IL6ST: variants seen among roughly 807,000 people sequenced by gnomAD.
The protein encoded by IL6ST is interleukin-6 receptor subunit beta.
In IL6ST, 24 loss-of-function variants were observed where a neutral mutation model predicts 91.3. The ratio of observed to expected loss-of-function variants is 0.26; its 90% CI spans 0.19 to 0.37. IL6ST has a LOEUF of 0.37. Among genes scored for constraint, IL6ST ranks in the 10% least tolerant of loss-of-function variants. IL6ST has a pLI of 1.00. For missense variants in IL6ST, 914 were observed against 1,078.5 expected, an observed-to-expected ratio of 0.85 and a Z score of 2.14; for synonymous variants, 351 against 373.6, an observed-to-expected ratio of 0.94 and a Z score of 0.70.
chr5:55,983,553 A>G (rs999738261), intron 1 of IL6ST, among the ~76,000 whole-genome samples: 2 of 152,260 alleles, frequency 1.3e-5, no homozygotes, highest in South Asian at 2.1e-4. Context: ...TTGAAATACA[A>G]CAAGTAACTT....
intron 5 of IL6ST, among the ~76,000 whole-genome samples, chr5:55,965,637 G>C (rs1375887248): frequency 6.6e-6 from 1 of 152,022 alleles, no homozygotes; most frequent in African/African-American, 2.4e-5. Flanking sequence ...GGAAATACAT[G>C]ATGACCCTGT....
rs369604611 is a variant in IL6ST at position 55,974,000 on chromosome 5, A to T, written c.64+2215T>A. ...ATATCCTATTTAGGTAATAAGAAAT[A>T]TACATTGGGTGAGGGAGAACTAGTT... On this transcript the variant is annotated intron_variant, in intron 3 of 16. Coordinates refer to ENST00000381298, the MANE Select transcript of IL6ST (RefSeq NM_002184.4). Among the ~76,000 whole-genome samples, 123 of 152,322 alleles carry T rather than the reference A, an allele frequency of 8.1e-4. 1 individual carries two copies. The highest frequency in any genetic ancestry group is 2.8e-3 in the African/African-American group (117 of 41,568).
intron 1 of IL6ST, among the ~76,000 whole-genome samples, chr5:55,989,459 G>T (rs1279821960): frequency 6.6e-6 from 1 of 152,088 alleles, no homozygotes; most frequent in Non-Finnish European, 1.5e-5. Flanking sequence ...CCAGATTAAG[G>T]ACCTAAATGC....
chr5:55,985,682 C>T (rs1205868219), intron 1 of IL6ST, among the ~76,000 whole-genome samples: 1 of 152,074 alleles, frequency 6.6e-6, no homozygotes, highest in East Asian at 1.9e-4. Context: ...ATAATTGTTT[C>T]AAAACTATTT....
intron 1 of IL6ST, among the ~76,000 whole-genome samples, chr5:55,990,679 A>T (rs1372003475): frequency 2.0e-5 from 3 of 152,204 alleles, no homozygotes; most frequent in African/African-American, 7.2e-5. Flanking sequence ...TATCAATTTA[A>T]GAGGTCTAAA....
At chr5:55,987,381 T>C (rs2111926902) in intron 1 of IL6ST, among the ~76,000 whole-genome samples, 1 of 152,328 alleles carries the variant, frequency 6.6e-6, no homozygotes, top group Middle Eastern at 3.4e-3. Context: ...TGAGAAAAGA[T>C]ACTGCTAATT....
chr5:55,960,672 G>A (rs1415315321), intron 7 of IL6ST, 111 bp from the exon 8 acceptor site: 10 of 964,170 alleles, frequency 1.0e-5, no homozygotes, highest in Non-Finnish European at 1.5e-5. Context: ...CTGTTGCCCA[G>A]GTTGGAGTGC....
intron 1 of IL6ST, among the ~76,000 whole-genome samples, chr5:55,993,020 T>C (rs1288185098): frequency 6.6e-6 from 1 of 152,182 alleles, no homozygotes; most frequent in Non-Finnish European, 1.5e-5. Context: ...TAAAGCACAA[T>C]AGGAACCTCA....
At chr5:55,950,174 A>C (rs1348036044) in intron 14 of IL6ST, 1 of 493,232 alleles carries the variant, frequency 2.0e-6, no homozygotes, top group East Asian at 5.8e-5. Context: ...GAGGGAGGGA[A>C]AATGTATTTG....
chr5:55,968,140 A>G (rs1752748011), intron 5 of IL6ST, 136 bp downstream of exon 5: 1 of 879,570 alleles, frequency 1.1e-6, no homozygotes, highest in South Asian at 1.7e-5. Context: ...ACTTTTACAT[A>G]TATTTGAAAT....
chr5:55,973,787 C>T (rs1350812039), intron 3 of IL6ST, among the ~76,000 whole-genome samples: 1 of 152,112 alleles, frequency 6.6e-6, no homozygotes, highest in African/African-American at 2.4e-5. Flanking sequence ...CTAATGCAGT[C>T]CTGTTATTTT....
intron 8 of IL6ST, 138 bp downstream of exon 8, chr5:55,960,264 A>T (rs1752231439): frequency 1.5e-6 from 1 of 645,732 alleles, no homozygotes; most frequent in Admixed American, 2.9e-5. Flanking sequence ...ATGTCCTTAA[A>T]AATTAAAACG....
At chr5:55,962,563 A>G (rs1259623138) in intron 7 of IL6ST, among the ~76,000 whole-genome samples, 1 of 152,148 alleles carries the variant, frequency 6.6e-6, no homozygotes, top group Admixed American at 6.6e-5. Flanking sequence ...AATATTTACT[A>G]ATATTTTAGG....
intron 8 of IL6ST, among the ~76,000 whole-genome samples, chr5:55,959,051 G>A (rs1168293474): frequency 6.6e-6 from 1 of 151,962 alleles, no homozygotes; most frequent in Non-Finnish European, 1.5e-5. Context: ...TTATGAGCTG[G>A]AAATATTTCC....
Position 55,964,153 on chromosome 5 carries a change from T to C in IL6ST, c.651A>G (p.Val217=). 1.3e-6 allele frequency: 2 copies of C among 1,587,764 alleles called. No individual in the cohort carries two copies. The highest frequency in any genetic ancestry group is 1.7e-6 in the Non-Finnish European group (2 of 1,164,378). Residue 217 remains valine (V), a synonymous_variant, in exon 6 of 17, where the codon GTA becomes GTG. Coordinates refer to ENST00000381298, the MANE Select transcript of IL6ST (RefSeq NM_002184.4). ...VTSDHINFDP[V]YKVKPNPPHN... ...ATTCAGGTTTATAACTACCTTTATATACAGGATCAAAATTGATATGATCTG... is the reference window on the plus strand; with the variant it reads ...ATTCAGGTTTATAACTACCTTTATACACAGGATCAAAATTGATATGATCTG...
intron 14 of IL6ST, among the ~76,000 whole-genome samples, chr5:55,948,300 G>C (rs1394467175): frequency 6.6e-6 from 1 of 152,074 alleles, no homozygotes; most frequent in Non-Finnish European, 1.5e-5. Flanking sequence ...ATTAACATTG[G>C]AGATTTTTTA....
chr5:55,943,032 A>G (rs1751015462), intron 15 of IL6ST, among the ~76,000 whole-genome samples: 1 of 152,212 alleles, frequency 6.6e-6, no homozygotes, highest in South Asian at 2.1e-4. Flanking sequence ...TTCTGCAATT[A>G]AAACCACTTA....
At position 55,960,539 on chromosome 5, in the gene IL6ST, G is replaced by A; in HGVS notation, c.836C>T (p.Ser279Phe). Residue 279 changes from serine to phenylalanine, a missense_variant, in exon 8 of 17, where the codon TCC (serine) becomes TTC (phenylalanine). Coordinates refer to ENST00000381298, the MANE Select transcript of IL6ST (RefSeq NM_002184.4). ...TTGGACAGTGAATGAAGATCGGGTG[G>A]ATGCTGTGTCTTCAGGAGGAATCTG... ...WSQIPPEDTASTRSSFTVQDL... is the reference protein window; with the variant it reads ...WSQIPPEDTAFTRSSFTVQDL... 2 of 1,613,300 alleles carry A rather than the reference G, an allele frequency of 1.2e-6. No individual in the cohort carries two copies. Among genetic ancestry groups the A allele is most frequent in the Non-Finnish European group, 1.7e-6 (2 of 1,179,742 alleles).
rs374382146 is a variant in IL6ST at position 55,960,394 on chromosome 5, G to A, written c.973+8C>T. The A allele has an allele frequency of 6.8e-6, 11 of 1,608,976 alleles. No homozygotes were observed. Among genetic ancestry groups the A allele is most frequent in the Middle Eastern group, 1.6e-4 (1 of 6,074 alleles). ...TAGCTTTACTTCTTCATATACTTAT[G>A]TACTTACTATCTTCATAGGTGATCC... On this transcript the variant is annotated splice_region_variant and intron_variant, in intron 8 of 16. Coordinates refer to ENST00000381298, the MANE Select transcript of IL6ST (RefSeq NM_002184.4).
Sources: allele counts gnomAD v4.1 joint callset (sites outside exome capture counted in the v4.1 genomes callset), GRCh38; gene constraint gnomAD v4.1.1; transcripts MANE v1.5; gene names NCBI Gene and HGNC (gene_info 2026-07-23, HGNC 2026-07-21).